Variants in STK32B observed in about 807,000 individuals in gnomAD.
STK32B encodes the protein serine/threonine kinase 32B.
STK32B carries 43 observed loss-of-function variants against 52.6 expected under a neutral mutation model. The ratio of observed to expected loss-of-function variants is 0.82; its 90% CI spans 0.64 to 1.05. STK32B has a LOEUF of 1.05. Among genes scored for constraint, STK32B ranks in the 50% least tolerant of loss-of-function variants. The pLI is 0.00. For missense variants in STK32B, 621 were observed against 534.6 expected, an observed-to-expected ratio of 1.16 and a Z score of -1.59; for synonymous variants, 238 against 204.3, an observed-to-expected ratio of 1.17 and a Z score of -1.41.
chr4:5,393,543 C>T (rs1396925827), intron 4 of STK32B, among the ~76,000 whole-genome samples: 1 of 152,040 alleles, frequency 6.6e-6, no homozygotes, highest in African/African-American at 2.4e-5. Flanking sequence ...AGGAAACTTA[C>T]GATGGTGGCA....
At chr4:5,165,926 C>T (rs534874916) in intron 2 of STK32B, among the ~76,000 whole-genome samples, 18 of 152,290 alleles carry the variant, frequency 1.2e-4, no homozygotes, top group African/African-American at 4.1e-4. Context: ...TCAGTGCCGC[C>T]TGGCACTCCC....
upstream of STK32B, among the ~76,000 whole-genome samples, chr4:5,050,204 T>C (rs188663064): frequency 1.1e-3 from 171 of 152,320 alleles, 1 homozygote; most frequent in African/African-American, 3.9e-3. Context: ...TCATTTATTA[T>C]ATGCCGGGCA....
At chr4:5,414,835 C>T (rs536208172) in intron 5 of STK32B, among the ~76,000 whole-genome samples, 220 of 152,204 alleles carry the variant, frequency 1.4e-3, no homozygotes, top group Non-Finnish European at 2.1e-3. Context: ...AAAAACATGT[C>T]TGTATTCTTT....
At chr4:5,064,581 CT>C (rs1742344497) in intron 1 of STK32B, among the ~76,000 whole-genome samples, 3 of 17,702 alleles carry the variant, frequency 1.7e-4, no homozygotes, top group Non-Finnish European at 2.5e-4. Context: ...TAAATATATA[CT>C]TATATACATA....
At chr4:5,434,305 A>G (rs1028954256) in intron 6 of STK32B, among the ~76,000 whole-genome samples, 3 of 152,304 alleles carry the variant, frequency 2.0e-5, no homozygotes, top group Non-Finnish European at 4.4e-5. Context: ...TCTTTTATCT[A>G]CTAATTCAAT....
chr4:5,447,628 C>T (rs1715582941), intron 7 of STK32B, among the ~76,000 whole-genome samples: 1 of 152,040 alleles, frequency 6.6e-6, no homozygotes, highest in South Asian at 2.1e-4. Flanking sequence ...AGAGTGAGGC[C>T]CTGTCTCAGA....
At chr4:5,447,040 C>G (rs1156837206) in intron 7 of STK32B, 2 of 343,874 alleles carry the variant, frequency 5.8e-6, no homozygotes, top group Non-Finnish European at 5.4e-6. Context: ...AGTGACAAGT[C>G]AAACATCAAA....
intron 5 of STK32B, among the ~76,000 whole-genome samples, chr4:5,409,970 T>C (rs1711522305): frequency 6.6e-6 from 1 of 152,188 alleles, no homozygotes; most frequent in South Asian, 2.1e-4. Context: ...GAAGCTTGGA[T>C]AAGCTAGTGC....
intron 5 of STK32B, among the ~76,000 whole-genome samples, 160 bp from the exon 6 acceptor site, chr4:5,416,685 T>C (rs1327854630): frequency 6.6e-6 from 1 of 152,228 alleles, no homozygotes; most frequent in Non-Finnish European, 1.5e-5. Context: ...TTCTGAAACA[T>C]GCACACAAAA....
chr4:5,153,239 G>T (rs1433480381), intron 2 of STK32B, among the ~76,000 whole-genome samples: 24 of 152,144 alleles, frequency 1.6e-4, no homozygotes, highest in Admixed American at 1.6e-3. Flanking sequence ...TAGAGGAAAG[G>T]GTACAGGCTT....
intron 4 of STK32B, among the ~76,000 whole-genome samples, chr4:5,359,988 T>G (rs1734441008): frequency 1.3e-5 from 2 of 152,166 alleles, no homozygotes; most frequent in Admixed American, 6.5e-5. Context: ...ACTGGCTGCT[T>G]TTTAGAGGAT....
At chr4:5,053,913 A>G (rs989293484) in intron 1 of STK32B, among the ~76,000 whole-genome samples, 3 of 151,822 alleles carry the variant, frequency 2.0e-5, no homozygotes, top group East Asian at 3.9e-4. Context: ...CGGGAGGCGG[A>G]GGTTGCAGTG....
chr4:5,374,570 T>G, intron 4 of STK32B, among the ~76,000 whole-genome samples: 1 of 152,306 alleles, frequency 6.6e-6, no homozygotes, highest in Non-Finnish European at 1.5e-5. Flanking sequence ...GAAGAATCAG[T>G]GTCTGGCGAG....
At chr4:5,449,934 T>G (rs1048071630) in intron 7 of STK32B, among the ~76,000 whole-genome samples, 5 of 152,192 alleles carry the variant, frequency 3.3e-5, no homozygotes, top group African/African-American at 1.2e-4. Context: ...GTATAATTAT[T>G]TAATTATATA....
intron 1 of STK32B, among the ~76,000 whole-genome samples, chr4:5,097,716 G>A (rs1713478401): frequency 6.6e-6 from 1 of 152,202 alleles, no homozygotes; most frequent in Non-Finnish European, 1.5e-5. Flanking sequence ...ACAGGACCCT[G>A]ATCACTAACT....
At chr4:5,228,302 T>A (rs1316733960) in intron 3 of STK32B, among the ~76,000 whole-genome samples, 3 of 152,164 alleles carry the variant, frequency 2.0e-5, no homozygotes. Context: ...GTCTTCATGT[T>A]TGCAATTAAA....
intron 3 of STK32B, among the ~76,000 whole-genome samples, chr4:5,176,052 G>T (rs1719854314): frequency 6.6e-6 from 1 of 152,236 alleles, no homozygotes; most frequent in Non-Finnish European, 1.5e-5. Flanking sequence ...ATCTCAGACT[G>T]CTGTGCTAGC....
At chr4:5,168,568 G>T in intron 3 of STK32B, 118 bp downstream of exon 3, 9 of 1,229,882 alleles carry the variant, frequency 7.3e-6, no homozygotes, top group Non-Finnish European at 9.9e-6. Context: ...AATTTTCTGG[G>T]TTCAGTTATT....
chr4:5,355,516 A>G (rs145932464), intron 4 of STK32B, among the ~76,000 whole-genome samples: 355 of 152,306 alleles, frequency 2.3e-3, no homozygotes, highest in African/African-American at 7.9e-3. Context: ...GTCAGAACTT[A>G]TGATGAGATT....
Sources: gnomAD v4.1 joint callset for allele counts (sites outside exome capture counted in the v4.1 genomes callset) on GRCh38, gnomAD v4.1.1 for gene constraint, MANE v1.5 for transcripts, NCBI Gene and HGNC (gene_info 2026-07-23, HGNC 2026-07-21) for gene names.